Variants in POLR3B observed in about 807,000 individuals in gnomAD.
The protein encoded by POLR3B is DNA-directed RNA polymerase III subunit RPC2.
In POLR3B, 96 loss-of-function variants were observed where a neutral mutation model predicts 147.4. The ratio of observed to expected loss-of-function variants is 0.65; its 90% CI spans 0.55 to 0.77. The LOEUF (loss-of-function observed/expected upper bound fraction) is 0.77, where lower values mean the gene tolerates loss of function less well. POLR3B is among the 30% of genes least tolerant of loss of function. The probability of loss-of-function intolerance (pLI) is 0.00; values close to 1 mark genes in which losing one functional copy is unlikely to be tolerated. For synonymous variants in POLR3B, 461 were observed against 485.9 expected (o/e 0.95, Z 0.67); for missense variants, 1,036 against 1,413.5 (o/e 0.73, Z 4.28).
chr12:106,364,699 C>G (rs1174021872), intron 2 of POLR3B, among the ~76,000 whole-genome samples: 1 of 152,196 alleles, frequency 6.6e-6, no homozygotes, highest in East Asian at 1.9e-4. Context: ...GGAAACAACC[C>G]AAATGGCCAT....
At chr12:106,383,893 G>T (rs192920798) in intron 9 of POLR3B, among the ~76,000 whole-genome samples, 1 of 151,524 alleles carries the variant, frequency 6.6e-6, no homozygotes, top group Non-Finnish European at 1.5e-5. Flanking sequence ...CAGAAGAATC[G>T]CTTGAACCCG....
intron 25 of POLR3B, among the ~76,000 whole-genome samples, chr12:106,497,165 A>C (rs1377336885): frequency 1.1e-5 from 1 of 92,478 alleles, no homozygotes; most frequent in Non-Finnish European, 2.6e-5. Flanking sequence ...ATCAGCTATC[A>C]TTTGTGTTAG....
intron 23 of POLR3B, among the ~76,000 whole-genome samples, chr12:106,479,314 A>AT (rs1373635495): frequency 2.0e-5 from 3 of 149,652 alleles, no homozygotes; most frequent in Non-Finnish European, 4.4e-5. Context: ...TATTTTTCAG[A>AT]TTTTTTTAAA....
chr12:106,488,676 G>C (rs2038373313), intron 23 of POLR3B, among the ~76,000 whole-genome samples: 1 of 152,132 alleles, frequency 6.6e-6, no homozygotes, highest in Non-Finnish European at 1.5e-5. Flanking sequence ...CACATATGCT[G>C]ATTGAAATTA....
chr12:106,362,501 G>A (rs1049441464), intron 1 of POLR3B, among the ~76,000 whole-genome samples: 4 of 152,126 alleles, frequency 2.6e-5, no homozygotes, highest in Admixed American at 6.5e-5. Flanking sequence ...GCTCTGGGCC[G>A]TCCCCTACTA....
rs74969948 is a variant in POLR3B, at chr12:106,409,824, A to T, written c.967-1002A>T. 6.2e-3 allele frequency among the ~76,000 whole-genome samples: 935 copies of T among 151,982 alleles called. 17 individuals are homozygous for T. The highest frequency in any genetic ancestry group is 0.049 in the East Asian group (255 of 5,172). ...ATCATCTGTGGAAAAGCCTATAAAT[A>T]CTCCTTGGAATTGGCAGAAGCTCAG... On this transcript the variant is annotated intron_variant, in intron 11 of 27. Transcript: ENST00000228347.
intron 19 of POLR3B, among the ~76,000 whole-genome samples, chr12:106,453,256 C>T (rs936628726): frequency 2.0e-5 from 3 of 152,066 alleles, no homozygotes; most frequent in Admixed American, 6.6e-5. Flanking sequence ...AAGCAGTCCA[C>T]CCACATCGAC....
intron 18 of POLR3B, among the ~76,000 whole-genome samples, chr12:106,442,836 C>G (rs980819277): frequency 1.3e-5 from 2 of 152,146 alleles, no homozygotes; most frequent in Non-Finnish European, 2.9e-5. Context: ...ACATCTGGTA[C>G]TTTCCACAAA....
chr12:106,399,648 C>G (rs1323075936), intron 10 of POLR3B, among the ~76,000 whole-genome samples: 1 of 152,140 alleles, frequency 6.6e-6, no homozygotes, highest in Non-Finnish European at 1.5e-5. Context: ...ACTCTACAAG[C>G]CAGAAGAGAG....
At chr12:106,420,642 A>G (rs1277701539) in intron 12 of POLR3B, among the ~76,000 whole-genome samples, 1 of 152,198 alleles carries the variant, frequency 6.6e-6, no homozygotes, top group Non-Finnish European at 1.5e-5. Context: ...TACTCTACCA[A>G]TTCGGGAAAC....
At chr12:106,393,298 T>C in intron 10 of POLR3B, 145 bp downstream of exon 10, 1 of 1,244,410 alleles carries the variant, frequency 8.0e-7, no homozygotes, top group South Asian at 1.2e-5. Flanking sequence ...GAAGTTTCTT[T>C]AACTCACTTT....
chr12:106,495,830 G>A (rs1405880432), intron 23 of POLR3B: 4 of 652,930 alleles, frequency 6.1e-6, no homozygotes, highest in African/African-American at 3.6e-5. Context: ...GTGCTATGCC[G>A]GCAGCACAGT....
intron 23 of POLR3B, among the ~76,000 whole-genome samples, chr12:106,486,714 C>T (rs571870863): frequency 6.6e-6 from 1 of 151,014 alleles, no homozygotes; most frequent in Non-Finnish European, 1.5e-5. Context: ...AAGATGTACT[C>T]CTAAAATAAA....
chr12:106,496,834 G>C lies in POLR3B; in HGVS notation c.2900G>C (p.Ser967Thr), dbSNP rs1025207617. The change falls in exon 25 of 28, where the codon AGT becomes ACT. Residue 967 changes from serine to threonine, a missense_variant. Transcript: ENST00000228347. ...CACTACGGCACTGCGTTTGGAGGCA[G>C]TAAAGTGAAGGATGTGTGTGAGGAC... ...RFHYGTAFGGSKVKDVCEDLV... is the reference protein window; with the variant it reads ...RFHYGTAFGGTKVKDVCEDLV... The C allele has an allele frequency of 1.2e-5, 19 of 1,614,064 alleles. No homozygotes were observed. The highest frequency in any genetic ancestry group is 1.5e-5 in the Non-Finnish European group (18 of 1,180,020).
chr12:106,469,138 A>G (rs564799812), intron 23 of POLR3B, among the ~76,000 whole-genome samples: 7 of 152,274 alleles, frequency 4.6e-5, no homozygotes, highest in African/African-American at 1.7e-4. Flanking sequence ...TATTGGGTGC[A>G]TACATATTTA....
At chr12:106,358,317 C>T (rs2036418854) in intron 1 of POLR3B, 2 of 1,092,278 alleles carry the variant, frequency 1.8e-6, no homozygotes, top group African/African-American at 1.6e-5. Flanking sequence ...GAGCTCAGGC[C>T]ATTTGCATGA....
chr12:106,496,240 A>T (rs2038483237), intron 24 of POLR3B, 82 bp downstream of exon 24: 2 of 888,362 alleles, frequency 2.3e-6, no homozygotes. Flanking sequence ...AGTGGAGGTG[A>T]CGAGGACTCT....
In POLR3B at chr12:106,463,595, A is replaced by G. The variant is rs1388297333; in HGVS notation, c.2688A>G (p.Lys896=). Residue 896 remains lysine (K), a synonymous_variant, in exon 23 of 28, where the codon AAA becomes AAG. Transcript: ENST00000228347. ...RQTRRPEIGD[K]FSSRHGQKGV... Reference sequence around the variant, plus strand: ...CAAGGCGTCCAGAAATTGGAGACAAATTCAGCAGTCGTCATGGGCAAAAAG... The same window carrying G: ...CAAGGCGTCCAGAAATTGGAGACAAGTTCAGCAGTCGTCATGGGCAAAAAG... 1.2e-6 allele frequency: 2 copies of G among 1,613,632 alleles called. No individual in the cohort carries two copies. Among genetic ancestry groups the G allele is most frequent in the Admixed American group, 3.3e-5 (2 of 59,960 alleles).
chr12:106,413,148 TTGTC>T (rs2037251563), intron 12 of POLR3B, among the ~76,000 whole-genome samples: 1 of 152,118 alleles, frequency 6.6e-6, no homozygotes, highest in Non-Finnish European at 1.5e-5. Flanking sequence ...AGAGTCCTAT[TTGTC>T]TATTATTTTC....
Sources: gnomAD v4.1 joint callset for allele counts (sites outside exome capture counted in the v4.1 genomes callset) on GRCh38, gnomAD v4.1.1 for gene constraint, MANE v1.5 for transcripts, NCBI Gene and HGNC (gene_info 2026-07-23, HGNC 2026-07-21) for gene names.